SLC22A23: variants seen among roughly 807,000 people sequenced by gnomAD.
SLC22A23 encodes solute carrier family 22 member 23.
Under a neutral mutation model 61.0 loss-of-function variants are expected in SLC22A23, and 26 were observed. The ratio of observed to expected loss-of-function variants is 0.43; its 90% CI spans 0.31 to 0.59. The LOEUF (loss-of-function observed/expected upper bound fraction) is 0.59, where lower values mean the gene tolerates loss of function less well. Ranked by LOEUF, SLC22A23 falls within the 20% of genes least tolerant of loss-of-function variation. SLC22A23 has a pLI of 0.11. For missense variants in SLC22A23, 796 were observed against 934.7 expected, an observed-to-expected ratio of 0.85 and a Z score of 1.94; for synonymous variants, 430 against 413.9, an observed-to-expected ratio of 1.04 and a Z score of -0.47.
chr6:3,418,574 G>A (rs562987887), intron 1 of SLC22A23, among the ~76,000 whole-genome samples: 1 of 152,338 alleles, frequency 6.6e-6, no homozygotes, highest in African/African-American at 2.4e-5. Context: ...CACACGCCTG[G>A]TAGGGAGAGG....
At chr6:3,417,911 C>T (rs1025738045) in intron 1 of SLC22A23, among the ~76,000 whole-genome samples, 2 of 152,198 alleles carry the variant, frequency 1.3e-5, no homozygotes, top group Non-Finnish European at 1.5e-5. Context: ...GCCTGGAAAA[C>T]GAACATTCAC....
At chr6:3,337,096 C>T (rs1763901407) in intron 3 of SLC22A23, among the ~76,000 whole-genome samples, 1 of 152,204 alleles carries the variant, frequency 6.6e-6, no homozygotes, top group Admixed American at 6.5e-5. Flanking sequence ...GTGTGAGCCA[C>T]CACTCCTGGC....
chr6:3,291,331 T>C (rs1554134869), intron 5 of SLC22A23: 1 of 152,208 alleles, frequency 6.6e-6, no homozygotes, highest in Non-Finnish European at 1.5e-5. Flanking sequence ...AGCTCTTTCA[T>C]TATAGTTTGA....
At chr6:3,369,754 A>C (rs1332188471) in intron 3 of SLC22A23, among the ~76,000 whole-genome samples, 2 of 152,178 alleles carry the variant, frequency 1.3e-5, no homozygotes, top group African/African-American at 4.8e-5. Context: ...ACCCTGGACT[A>C]GTCCATACAA....
intron 4 of SLC22A23, among the ~76,000 whole-genome samples, chr6:3,307,551 G>A (rs1762068102): frequency 6.6e-6 from 1 of 152,236 alleles, no homozygotes; most frequent in Non-Finnish European, 1.5e-5. Context: ...ATGTTCCACT[G>A]CAGGATAGTC....
intron 1 of SLC22A23, among the ~76,000 whole-genome samples, chr6:3,451,890 G>C (rs1772170746): frequency 6.6e-6 from 1 of 152,208 alleles, no homozygotes; most frequent in South Asian, 2.1e-4. Flanking sequence ...ACATTCAGTA[G>C]AAACTGTATC....
Position 3,324,024 on chromosome 6 carries a change from A to G in SLC22A23, c.914-22T>C. ...ATTCCTAGAACACAGAACCAATGAG[A>G]GAGAGATGAGTGCCCTGCTCGACAG... On this transcript the variant is annotated intron_variant, in intron 3 of 9. Coordinates refer to ENST00000406686, the MANE Select transcript of SLC22A23 (RefSeq NM_015482.2). The surrounding 1 kb of genome is among the most constrained non-coding windows in gnomAD (Gnocchi z 4.3). 3 of 1,610,332 alleles carry G rather than the reference A, an allele frequency of 1.9e-6. No homozygotes were observed. The highest frequency in any genetic ancestry group is 1.3e-5 in the African/African-American group (1 of 75,016).
At chr6:3,398,963 A>T (rs908540501) in intron 3 of SLC22A23, among the ~76,000 whole-genome samples, 1 of 152,174 alleles carries the variant, frequency 6.6e-6, no homozygotes, top group South Asian at 2.1e-4. Flanking sequence ...CAGGAGGTCG[A>T]GACTTCGGTC....
At chr6:3,280,040 T>C (rs1759293961) in intron 9 of SLC22A23, among the ~76,000 whole-genome samples, 1 of 152,232 alleles carries the variant, frequency 6.6e-6, no homozygotes, top group African/African-American at 2.4e-5. Context: ...TCCTCTTTTA[T>C]ATTACTTAAT....
At chr6:3,370,134 G>T (rs1347601267) in intron 3 of SLC22A23, among the ~76,000 whole-genome samples, 1 of 151,940 alleles carries the variant, frequency 6.6e-6, no homozygotes, top group African/African-American at 2.4e-5. Flanking sequence ...ATTCCTGGTT[G>T]GGAATTTTTT....
At chr6:3,452,713 A>G (rs1462636576) in intron 1 of SLC22A23, among the ~76,000 whole-genome samples, 1 of 152,020 alleles carries the variant, frequency 6.6e-6, no homozygotes, top group African/African-American at 2.4e-5. Context: ...TAAACTATAA[A>G]GGGCTGCACA....
chr6:3,456,089 G>C lies in SLC22A23; in HGVS notation c.471C>G (p.Thr157=), dbSNP rs750077651. Residue 157 remains threonine (T), a synonymous_variant, in exon 1 of 10, where the codon ACC becomes ACG. Coordinates refer to ENST00000406686, the MANE Select transcript of SLC22A23 (RefSeq NM_015482.2). This position sits in a 1 kb window ranked among gnomAD's most constrained non-coding sequence, Gnocchi z 7.1. Reference sequence around the variant, plus strand: ...CCCAGGGGGCAGTGGCGAAGGGGGTGGTGGGGAGGCTGGTCCAGTTGCCCA... The same window carrying C: ...CCCAGGGGGCAGTGGCGAAGGGGGTCGTGGGGAGGCTGGTCCAGTTGCCCA... The part of the protein sequence containing the change: ...GDMGNWTSLP[T]TPFATAPWEA... 6.3e-5 allele frequency: 97 copies of C among 1,550,268 alleles called. No homozygotes were observed. Among genetic ancestry groups the C allele is most frequent in the Middle Eastern group, 1.7e-4 (1 of 6,002 alleles).
intron 3 of SLC22A23, among the ~76,000 whole-genome samples, chr6:3,352,055 C>T (rs1764800940): frequency 6.6e-6 from 1 of 152,206 alleles, no homozygotes; most frequent in African/African-American, 2.4e-5. Context: ...CACTCCATGG[C>T]CTCCCCTCCC....
intron 3 of SLC22A23, among the ~76,000 whole-genome samples, chr6:3,357,767 G>C (rs1021890653): frequency 3.3e-5 from 5 of 152,194 alleles, no homozygotes; most frequent in African/African-American, 1.2e-4. Context: ...CATGCCAGGG[G>C]AGATGCCGAG....
At chr6:3,335,757 A>G (rs1763816949) in intron 3 of SLC22A23, among the ~76,000 whole-genome samples, 1 of 152,092 alleles carries the variant, frequency 6.6e-6, no homozygotes, top group African/African-American at 2.4e-5. Context: ...TTTTGCACCA[A>G]CCTAATAAGA....
At chr6:3,367,994 CGA>C (rs1031046116) in intron 3 of SLC22A23, among the ~76,000 whole-genome samples, 2 of 151,994 alleles carry the variant, frequency 1.3e-5, no homozygotes, top group African/African-American at 4.8e-5. Context: ...ACCAGCGGAC[CGA>C]GAGACCCAGC....
chr6:3,405,429 G>A (rs965956460), intron 3 of SLC22A23, among the ~76,000 whole-genome samples: 1 of 152,102 alleles, frequency 6.6e-6, no homozygotes, highest in Non-Finnish European at 1.5e-5. Context: ...GGGGAAACCG[G>A]GTGGAGACAA....
chr6:3,312,209 G>A (rs969117544), intron 4 of SLC22A23: 1 of 152,188 alleles, frequency 6.6e-6, no homozygotes, highest in East Asian at 1.9e-4. Flanking sequence ...ATAAGCGGAT[G>A]AATACTTGGA....
intron 5 of SLC22A23, among the ~76,000 whole-genome samples, chr6:3,293,719 G>A (rs1243214931): frequency 6.6e-6 from 1 of 152,228 alleles, no homozygotes; most frequent in African/African-American, 2.4e-5. Flanking sequence ...CTTACAGGTG[G>A]TGTGACTTGG....
Sources: allele counts gnomAD v4.1 joint callset (sites outside exome capture counted in the v4.1 genomes callset), GRCh38; gene constraint gnomAD v4.1.1; non-coding constraint Gnocchi (gnomAD v3.1); transcripts MANE v1.5; gene names NCBI Gene and HGNC (gene_info 2026-07-23, HGNC 2026-07-21).